The following LMBRD2 variants were observed in gnomAD, a reference collection of about 807,000 sequenced individuals.
The protein encoded by LMBRD2 is G protein-coupled receptor-associated protein LMBRD2.
Under a neutral mutation model 94.4 loss-of-function variants are expected in LMBRD2, and 55 were observed. The observed-to-expected ratio is 0.58, with a 90% confidence interval of 0.47 to 0.73. The LOEUF (loss-of-function observed/expected upper bound fraction) is 0.73, where lower values mean the gene tolerates loss of function less well. Among genes scored for constraint, LMBRD2 ranks in the 30% least tolerant of loss-of-function variants. LMBRD2 has a pLI of 0.00. For missense variants in LMBRD2, 640 were observed against 831.9 expected, an observed-to-expected ratio of 0.77 and a Z score of 2.84; for synonymous variants, 246 against 272.4, an observed-to-expected ratio of 0.90 and a Z score of 0.95.
At chr5:36,117,953 C>A (rs774662874) in intron 9 of LMBRD2, 37 bp from the exon 10 acceptor site, 1 of 1,459,774 alleles carries the variant, frequency 6.9e-7, no homozygotes, top group East Asian at 2.3e-5. Context: ...AGGAAAACTA[C>A]AAAAGAGTAA....
chr5:36,107,105 G>C (rs779581437), intron 16 of LMBRD2, among the ~76,000 whole-genome samples: 7 of 152,056 alleles, frequency 4.6e-5, no homozygotes, highest in Non-Finnish European at 1.0e-4. Context: ...TCTGCATCTG[G>C]TGTGCATCCT....
intron 4 of LMBRD2, among the ~76,000 whole-genome samples, chr5:36,140,538 TG>T (rs557973901): frequency 2.0e-5 from 3 of 152,292 alleles, no homozygotes; most frequent in African/African-American, 7.2e-5. Context: ...CTTCCATCTT[TG>T]GAGGGGAAAG....
intron 4 of LMBRD2, among the ~76,000 whole-genome samples, chr5:36,140,260 C>T (rs894017678): frequency 5.9e-5 from 9 of 152,222 alleles, no homozygotes; most frequent in East Asian, 1.9e-4. Flanking sequence ...CAGCAGCCAG[C>T]GTGTCTGGCT....
intron 6 of LMBRD2, among the ~76,000 whole-genome samples, chr5:36,125,280 A>G (rs1341048979): frequency 1.3e-5 from 2 of 152,248 alleles, no homozygotes; most frequent in Non-Finnish European, 1.5e-5. Context: ...CCTGGAAAGC[A>G]TAAGAGAAGT....
chr5:36,127,908 T>TA (rs1360735336), intron 6 of LMBRD2, among the ~76,000 whole-genome samples: 1 of 152,162 alleles, frequency 6.6e-6, no homozygotes, highest in Non-Finnish European at 1.5e-5. Context: ...TGAGCAAACA[T>TA]AGACGGTAGC....
chr5:36,102,101 G>A lies in LMBRD2; in HGVS notation c.*1945C>T, dbSNP rs201812087. ...ACTTTTGATGAATTAGTCCAAAAGC[G>A]TTTTTGCTTTAAGTACTTGTAAACT... On this transcript the variant is annotated 3_prime_UTR_variant, in exon 18 of 18. Transcript: ENST00000296603. 8 of 151,826 alleles carry A rather than the reference G, an allele frequency of 5.3e-5. No individual in the cohort carries two copies. The East Asian group carries it at 9.6e-4, about 18-fold the overall frequency. The allele number at this position is 151,826 out of a possible 1,614,324, so 9.4% of individuals were successfully genotyped here.
chr5:36,106,591 C>T (rs1743478138), intron 16 of LMBRD2, among the ~76,000 whole-genome samples: 1 of 146,176 alleles, frequency 6.8e-6, no homozygotes, highest in African/African-American at 2.5e-5. Context: ...CTCACTACAA[C>T]CTCCTCCTCC....
chr5:36,121,260 T>A (rs1022455339), intron 9 of LMBRD2, among the ~76,000 whole-genome samples: 3 of 152,226 alleles, frequency 2.0e-5, no homozygotes, highest in Non-Finnish European at 4.4e-5. Context: ...GTTGAATGAA[T>A]GAAAACAGAT....
chr5:36,139,085 C>G (rs1376319045), intron 4 of LMBRD2, among the ~76,000 whole-genome samples: 1 of 152,200 alleles, frequency 6.6e-6, no homozygotes, highest in Non-Finnish European at 1.5e-5. Flanking sequence ...AGCTGCCCAG[C>G]TGTGGCTGTG....
Position 36,100,881 on chromosome 5 carries a change from T to A in LMBRD2, c.*3165A>T, listed in dbSNP as rs557779364. 11 of 152,176 alleles carry A rather than the reference T, an allele frequency of 7.2e-5. No individual in the cohort carries two copies. Among genetic ancestry groups the A allele is most frequent in the Admixed American group, 6.6e-4 (10 of 15,248 alleles). 9.4% of individuals were successfully genotyped at this position (152,176 alleles called of 1,614,324 possible). On this transcript the variant is annotated 3_prime_UTR_variant, in exon 18 of 18. Coordinates refer to ENST00000296603, the MANE Select transcript of LMBRD2 (RefSeq NM_001007527.2). ...ACTGAATGTAAATTAAATTGCTCCA[T>A]TAATATGCTAAAATATACTTTTAAA...
chr5:36,133,204 G>A (rs1017307552), intron 6 of LMBRD2, among the ~76,000 whole-genome samples: 9 of 152,030 alleles, frequency 5.9e-5, no homozygotes, highest in African/African-American at 2.2e-4. Flanking sequence ...ATACACAACA[G>A]AGTACTATTC....
At chr5:36,139,354 A>C (rs576904059) in intron 4 of LMBRD2, among the ~76,000 whole-genome samples, 1 of 152,324 alleles carries the variant, frequency 6.6e-6, no homozygotes, top group South Asian at 2.1e-4. Flanking sequence ...GCAGCTCAGC[A>C]TGGGCCTGCA....
chr5:36,120,570 T>C lies in LMBRD2; in HGVS notation c.1120+1710A>G, dbSNP rs368639341. On this transcript the variant is annotated intron_variant, in intron 9 of 17. Transcript: ENST00000296603. ...CACCGCGCCTGGCCTCAAATTCTAT[T>C]ATATCATTTACTAATTACATGTGAT... Among the ~76,000 whole-genome samples the C allele has an allele frequency of 2.0e-4, 30 of 152,246 alleles. No individual in the cohort carries two copies. The East Asian group carries it at 5.8e-3, about 29-fold the overall frequency.
intron 1 of LMBRD2, among the ~76,000 whole-genome samples, chr5:36,145,052 T>C (rs78294131): frequency 0.022 from 3,290 of 152,286 alleles, 117 homozygotes; most frequent in African/African-American, 0.076. Context: ...ATTTATTGTC[T>C]CTCCACACCT....
chr5:36,137,517 T>C, intron 4 of LMBRD2, 76 bp from the exon 5 acceptor site: 3 of 945,432 alleles, frequency 3.2e-6, no homozygotes. Context: ...GCCAGAAATA[T>C]ATGAATCTCA....
chr5:36,142,725 TTTTTTTTC>T, intron 2 of LMBRD2, 126 bp from the exon 3 acceptor site: 1 of 559,918 alleles, frequency 1.8e-6, no homozygotes, highest in East Asian at 3.1e-5. Context: ...TCTTTTTTTT[TTTTTTTTC>T]TTTTTGTGTG....
chr5:36,134,529 C>T (rs1332460921), intron 6 of LMBRD2, among the ~76,000 whole-genome samples: 5 of 151,996 alleles, frequency 3.3e-5, no homozygotes, highest in African/African-American at 1.2e-4. Context: ...AACTCTAATC[C>T]AATATGACTG....
chr5:36,148,829 T>C (rs1449435390), intron 1 of LMBRD2, among the ~76,000 whole-genome samples: 3 of 152,222 alleles, frequency 2.0e-5, no homozygotes, highest in African/African-American at 4.8e-5. Flanking sequence ...GCAATTTAAA[T>C]TGCTTAATGA....
intron 1 of LMBRD2, among the ~76,000 whole-genome samples, chr5:36,146,848 TAC>T (rs1744552909): frequency 6.6e-6 from 1 of 152,200 alleles, no homozygotes. Flanking sequence ...TGATATACTG[TAC>T]ATATACAGTG....
Sources: allele counts gnomAD v4.1 joint callset (sites outside exome capture counted in the v4.1 genomes callset), GRCh38; gene constraint gnomAD v4.1.1; transcripts MANE v1.5; gene names NCBI Gene and HGNC (gene_info 2026-07-23, HGNC 2026-07-21).